The following IQSEC1 variants were observed in gnomAD, a reference collection of about 807,000 sequenced individuals.
IQSEC1 encodes IQ motif and Sec7 domain ArfGEF 1.
A neutral mutation model predicts 91.0 loss-of-function variants in IQSEC1; 31 were observed. The ratio of observed to expected loss-of-function variants is 0.34; its 90% CI spans 0.26 to 0.46. The LOEUF (loss-of-function observed/expected upper bound fraction) is 0.46, where lower values mean the gene tolerates loss of function less well. Among genes scored for constraint, IQSEC1 ranks in the 20% least tolerant of loss-of-function variants. IQSEC1 has a pLI of 1.00. For synonymous variants in IQSEC1, 699 were observed against 662.6 expected, an observed-to-expected ratio of 1.05 and a Z score of -0.84; for missense variants, 1,388 against 1,575.6, an observed-to-expected ratio of 0.88 and a Z score of 2.02.
At chr3:12,919,411 T>A (rs1696405916) in intron 6 of IQSEC1, among the ~76,000 whole-genome samples, 1 of 152,102 alleles carries the variant, frequency 6.6e-6, no homozygotes, top group African/African-American at 2.4e-5. Flanking sequence ...TCAGGTGCCA[T>A]CTCCCTGAGG....
chr3:12,927,411 TA>T, intron 3 of IQSEC1, among the ~76,000 whole-genome samples: 1 of 135,070 alleles, frequency 7.4e-6, no homozygotes, highest in African/African-American at 3.0e-5. Flanking sequence ...GTGCATGCTC[TA>T]ACTCCACCCA....
At chr3:12,991,631 C>T (rs907711537) in intron 1 of IQSEC1, among the ~76,000 whole-genome samples, 1 of 152,230 alleles carries the variant, frequency 6.6e-6, no homozygotes, top group Admixed American at 6.5e-5. Flanking sequence ...ACAAAGGCAG[C>T]TCCAGCTTGC....
intron 1 of IQSEC1, among the ~76,000 whole-genome samples, chr3:13,007,687 C>T (rs890152608): frequency 6.6e-6 from 1 of 152,210 alleles, no homozygotes; most frequent in African/African-American, 2.4e-5. Flanking sequence ...AAAAACATCC[C>T]GTTTTCTTTG....
chr3:13,049,358 A>C (rs79797206), intron 1 of IQSEC1, among the ~76,000 whole-genome samples: 17 of 151,862 alleles, frequency 1.1e-4, no homozygotes, highest in African/African-American at 4.1e-4. Flanking sequence ...TAGAGATTCA[A>C]CTCCCCAGCT....
intron 1 of IQSEC1, among the ~76,000 whole-genome samples, chr3:13,198,517 C>T (rs147695277): frequency 9.2e-5 from 14 of 152,070 alleles, no homozygotes; most frequent in Non-Finnish European, 1.6e-4. Flanking sequence ...CGGTGATGAC[C>T]GCTGGAATGT....
rs906238419 is a variant in IQSEC1, at chr3:13,103,758, C to T, written c.303-56236G>A. 5.9e-5 allele frequency among the ~76,000 whole-genome samples: 9 copies of T among 152,118 alleles called. No homozygotes were observed. The highest frequency in any genetic ancestry group is 4.1e-4 in the South Asian group (2 of 4,824). Reference sequence around the variant, plus strand: ...GCGCCTCCTACCCCTGGGAGCTCCCCGGTATTCCATGTTGCCTACCACCCT... The same window carrying T: ...GCGCCTCCTACCCCTGGGAGCTCCCTGGTATTCCATGTTGCCTACCACCCT... On this transcript the variant is annotated intron_variant, in intron 2 of 15. Transcript: ENST00000648114. This position sits in a 1 kb window ranked among gnomAD's most constrained non-coding sequence, Gnocchi z 4.1.
At chr3:13,265,886 C>G (rs1394169455) in intron 1 of IQSEC1, among the ~76,000 whole-genome samples, 9 of 92,806 alleles carry the variant, frequency 9.7e-5, no homozygotes, top group Middle Eastern at 0.014. Context: ...GCTCTACGGG[C>G]ATTTAAAAAA....
chr3:13,278,709 C>T (rs1695736924), intron 1 of IQSEC1, among the ~76,000 whole-genome samples: 3 of 152,158 alleles, frequency 2.0e-5, no homozygotes. Flanking sequence ...ATCCCAGCTA[C>T]TCAGGAGGCT....
At chr3:13,230,175 A>G (rs549822017) in intron 1 of IQSEC1, among the ~76,000 whole-genome samples, 1 of 152,342 alleles carries the variant, frequency 6.6e-6, no homozygotes, top group South Asian at 2.1e-4. Flanking sequence ...ATTCAACTAT[A>G]TCCATGCAGT....
At chr3:13,019,694 G>C (rs1052755353) in intron 1 of IQSEC1, among the ~76,000 whole-genome samples, 2 of 152,214 alleles carry the variant, frequency 1.3e-5, no homozygotes, top group Non-Finnish European at 2.9e-5. Flanking sequence ...AGGGGCGCCT[G>C]GCAGTTATGG....
chr3:12,963,391 A>C (rs532796027), intron 1 of IQSEC1, among the ~76,000 whole-genome samples: 1 of 152,394 alleles, frequency 6.6e-6, no homozygotes, highest in African/African-American at 2.4e-5. Context: ...GGAAGATTTC[A>C]CAAAAAGCCA....
intron 1 of IQSEC1, among the ~76,000 whole-genome samples, chr3:12,948,983 C>T (rs1202472344): frequency 6.6e-6 from 1 of 152,220 alleles, no homozygotes; most frequent in African/African-American, 2.4e-5. Context: ...GCAACTTCTC[C>T]ACAAACCTGC....
At chr3:12,986,785 C>T (rs1324849595) in intron 1 of IQSEC1, among the ~76,000 whole-genome samples, 2 of 152,214 alleles carry the variant, frequency 1.3e-5, no homozygotes, top group Non-Finnish European at 2.9e-5. Context: ...TGCCTGTGCG[C>T]ATATGTGAGC....
At chr3:12,911,602 C>T (rs1003012414) in intron 10 of IQSEC1, 27 bp downstream of exon 10, 8 of 1,547,230 alleles carry the variant, frequency 5.2e-6, no homozygotes, top group Non-Finnish European at 7.1e-6. Context: ...ATGCGCTCTT[C>T]CAGGCAGGCC....
chr3:13,194,312 CT>C (rs1349514544), intron 1 of IQSEC1, among the ~76,000 whole-genome samples: 2 of 152,114 alleles, frequency 1.3e-5, no homozygotes, highest in Non-Finnish European at 2.9e-5. Context: ...TGCCTCCCGG[CT>C]GGGCTGCAGG....
intron 1 of IQSEC1, among the ~76,000 whole-genome samples, chr3:12,958,311 C>T (rs1046877964): frequency 6.6e-6 from 1 of 152,196 alleles, no homozygotes; most frequent in African/African-American, 2.4e-5. Context: ...TCAACCTCCC[C>T]TACCTACAAC....
At chr3:13,098,423 G>C (rs1283321117) in intron 2 of IQSEC1, among the ~76,000 whole-genome samples, 2 of 152,268 alleles carry the variant, frequency 1.3e-5, no homozygotes, top group African/African-American at 4.8e-5. Context: ...CTGGGGGTTG[G>C]GGGGATAAGT....
At chr3:13,271,670 C>T (rs182119106) in intron 1 of IQSEC1, among the ~76,000 whole-genome samples, 2 of 152,226 alleles carry the variant, frequency 1.3e-5, no homozygotes, top group Admixed American at 1.3e-4. Context: ...GTGGTGCACA[C>T]CTGTAGTCCC....
intron 1 of IQSEC1, among the ~76,000 whole-genome samples, chr3:13,236,411 C>T (rs59323172): frequency 0.028 from 4,260 of 152,300 alleles, 170 homozygotes; most frequent in African/African-American, 0.086. Context: ...ATCTTTTCTG[C>T]GCATGTGATG....
Sources: allele counts gnomAD v4.1 joint callset (sites outside exome capture counted in the v4.1 genomes callset), GRCh38; gene constraint gnomAD v4.1.1; non-coding constraint Gnocchi (gnomAD v3.1); transcripts MANE v1.5; gene names NCBI Gene and HGNC (gene_info 2026-07-23, HGNC 2026-07-21).